Variants in FLI1 observed in about 807,000 individuals in gnomAD.
FLI1 encodes Fli-1 proto-oncogene, ETS transcription factor.
FLI1 carries 13 observed loss-of-function variants against 53.1 expected under a neutral mutation model. That is an observed-to-expected ratio of 0.24 (90% CI 0.16 to 0.39). FLI1 has a LOEUF of 0.39. Ranked by LOEUF, FLI1 falls within the 10% of genes least tolerant of loss-of-function variation. FLI1 has a pLI of 1.00. For synonymous variants in FLI1, 244 were observed against 236.7 expected (o/e 1.03, Z -0.28); for missense variants, 424 against 600.5 (o/e 0.71, Z 3.07).
At position 128,811,934 on chromosome 11, in the gene FLI1, T is replaced by C. The variant is rs1024557956; in HGVS notation, c.*946T>C. ...GAGTTGACCTCGGTCACAAAAGCAG[T>C]TTTACTATCGAATCAATCGCTGTTA... On this transcript the variant is annotated 3_prime_UTR_variant, in exon 9 of 9. Coordinates refer to ENST00000527786, the MANE Select transcript of FLI1 (RefSeq NM_002017.5). 2.0e-5 allele frequency: 4 copies of C among 200,554 alleles called. No individual in the cohort carries two copies. Among genetic ancestry groups the C allele is most frequent in the South Asian group, 1.9e-4 (1 of 5,236 alleles). 12.4% of individuals were successfully genotyped at this position (200,554 alleles called of 1,614,324 possible). A position where few individuals can be genotyped will look rare whatever the true frequency, so the allele number is the denominator to read the frequency against.
chr11:128,705,404 A>G (rs185938858), intron 1 of FLI1, among the ~76,000 whole-genome samples: 2 of 152,344 alleles, frequency 1.3e-5, no homozygotes, highest in African/African-American at 4.8e-5. Flanking sequence ...AGAACGGCAT[A>G]TTCTTTGACC....
At chr11:128,697,053 G>A (rs748685373) in intron 1 of FLI1, among the ~76,000 whole-genome samples, 2 of 152,154 alleles carry the variant, frequency 1.3e-5, no homozygotes, top group Admixed American at 6.5e-5. Flanking sequence ...AGCAATATTT[G>A]CTGGAGCCAC....
chr11:128,687,269 T>G (rs1474170918), intron 1 of FLI1, among the ~76,000 whole-genome samples: 3 of 140,166 alleles, frequency 2.1e-5, no homozygotes, highest in East Asian at 2.0e-4. Flanking sequence ...AGGGTTTTGG[T>G]TTTTTTTTTT....
intron 2 of FLI1, among the ~76,000 whole-genome samples, chr11:128,767,009 C>T (rs996132612): frequency 5.3e-5 from 8 of 151,996 alleles, no homozygotes; most frequent in Admixed American, 6.6e-5. Flanking sequence ...GGCTGAGCAG[C>T]GGGCACTGGG....
chr11:128,805,220 G>T lies in FLI1; in HGVS notation c.656-146G>T, dbSNP rs576550337. 3.8e-5 allele frequency: 21 copies of T among 550,670 alleles called. No individual in the cohort carries two copies. In the African/African-American group the frequency reaches 4.1e-4, roughly 11 times the overall value. 34.1% of individuals were successfully genotyped at this position (550,670 alleles called of 1,614,324 possible). A position where few individuals can be genotyped will look rare whatever the true frequency, so the allele number is the denominator to read the frequency against. On this transcript the variant is annotated intron_variant, in intron 5 of 8. Coordinates refer to ENST00000527786, the MANE Select transcript of FLI1 (RefSeq NM_002017.5). ...AGTGTTAATATTCCAACCCCAGGGGGTGAGTACACTTCCAGAATTTAGGGA... is the reference window on the plus strand; with the variant it reads ...AGTGTTAATATTCCAACCCCAGGGGTTGAGTACACTTCCAGAATTTAGGGA...
intron 5 of FLI1, among the ~76,000 whole-genome samples, chr11:128,788,519 T>C (rs534513810): frequency 3.9e-5 from 6 of 151,966 alleles, no homozygotes; most frequent in African/African-American, 1.2e-4. Flanking sequence ...CTAGGAAATA[T>C]GAAGGAAATA....
chr11:128,698,382 G>A (rs74942522), intron 1 of FLI1, among the ~76,000 whole-genome samples: 2,455 of 152,250 alleles, frequency 0.016, 73 homozygotes, highest in African/African-American at 0.055. Context: ...TTACCAAGTG[G>A]AATCCTGTTT....
intron 2 of FLI1, chr11:128,764,553 G>T (rs749846072): frequency 8.9e-7 from 1 of 1,124,412 alleles, no homozygotes; most frequent in Non-Finnish European, 1.3e-6. Flanking sequence ...TGTAAGTGCA[G>T]GTCTTAATAC....
chr11:128,740,553 A>C (rs1241398651), intron 1 of FLI1, among the ~76,000 whole-genome samples: 1 of 152,222 alleles, frequency 6.6e-6, no homozygotes, highest in Non-Finnish European at 1.5e-5. Flanking sequence ...CATTTTCTGC[A>C]TGCTCAGAGA....
chr11:128,712,916 G>A (rs182157449), intron 1 of FLI1, among the ~76,000 whole-genome samples: 1 of 152,274 alleles, frequency 6.6e-6, no homozygotes, highest in East Asian at 1.9e-4. Flanking sequence ...CACCTCCTGT[G>A]GTTTTAGAAT....
intron 5 of FLI1, among the ~76,000 whole-genome samples, chr11:128,783,730 C>T (rs1049747295): frequency 1.3e-5 from 2 of 152,236 alleles, no homozygotes; most frequent in Non-Finnish European, 2.9e-5. Context: ...AAGAGAAGAA[C>T]TCTGTCAGCA....
At chr11:128,770,194 A>C (rs1418209303) in intron 3 of FLI1, among the ~76,000 whole-genome samples, 4 of 152,260 alleles carry the variant, frequency 2.6e-5, no homozygotes, top group Non-Finnish European at 5.9e-5. Flanking sequence ...AAGGAATAGC[A>C]AAACATCAGG....
intron 5 of FLI1, among the ~76,000 whole-genome samples, chr11:128,789,800 C>A (rs985481761): frequency 1.3e-5 from 2 of 151,920 alleles, no homozygotes; most frequent in Non-Finnish European, 2.9e-5. Context: ...ACATGTGTAC[C>A]CAAAGGAAAA....
chr11:128,769,895 A>G (rs116238919), intron 3 of FLI1, among the ~76,000 whole-genome samples: 1 of 152,306 alleles, frequency 6.6e-6, no homozygotes, highest in African/African-American at 2.4e-5. Flanking sequence ...CTGTATTAGA[A>G]CTGACAGGTG....
intron 1 of FLI1, among the ~76,000 whole-genome samples, chr11:128,735,970 A>G (rs1169579991): frequency 1.3e-5 from 2 of 152,232 alleles, no homozygotes; most frequent in Non-Finnish European, 2.9e-5. Context: ...TTGATCCCGA[A>G]GTTCTTAAAT....
intron 1 of FLI1, among the ~76,000 whole-genome samples, chr11:128,714,929 A>T (rs587786): frequency 6.6e-6 from 1 of 151,678 alleles, no homozygotes; most frequent in Non-Finnish European, 1.5e-5. Context: ...GAATGGTCTC[A>T]ATCTCTTGAC....
Position 128,779,828 on chromosome 11 carries a change from C to T in FLI1, c.590-2130C>T, listed in dbSNP as rs150415386. ...GGGATAGTTCATCTTCATGTGAATA[C>T]CACAAAATGTACTTACACAAACCCA... On this transcript the variant is annotated intron_variant, in intron 4 of 8. Transcript: ENST00000527786. Among the ~76,000 whole-genome samples, 567 of 152,314 alleles carry T rather than the reference C, an allele frequency of 3.7e-3. 6 individuals carry two copies. Among genetic ancestry groups the T allele is most frequent in the African/African-American group, 0.012 (519 of 41,560 alleles).
At chr11:128,730,861 C>A (rs574937601) in intron 1 of FLI1, among the ~76,000 whole-genome samples, 38 of 152,186 alleles carry the variant, frequency 2.5e-4, no homozygotes, top group Admixed American at 1.5e-3. Flanking sequence ...TTGCCGTTTC[C>A]CATCCTTTCT....
Position 128,772,057 on chromosome 11 carries a change from C to T in FLI1, c.386-725C>T, listed in dbSNP as rs893389816. ...ACACACACACACACACACACACACA[C>T]ACACACACACACACACACACATACA... On this transcript the variant is annotated intron_variant, in intron 3 of 8. Transcript: ENST00000527786. Among the ~76,000 whole-genome samples the T allele has an allele frequency of 4.7e-5, 7 of 149,250 alleles. No individual in the cohort carries two copies. In the East Asian group the frequency reaches 7.8e-4, roughly 17 times the overall value.
Sources: gnomAD v4.1 joint callset for allele counts (sites outside exome capture counted in the v4.1 genomes callset) on GRCh38, gnomAD v4.1.1 for gene constraint, MANE v1.5 for transcripts, NCBI Gene and HGNC (gene_info 2026-07-23, HGNC 2026-07-21) for gene names.